The following IL7 variants were observed in gnomAD, a reference collection of about 807,000 sequenced individuals.
IL7 encodes interleukin-7.
In IL7, 3 loss-of-function variants were observed where a neutral mutation model predicts 21.6. The observed-to-expected ratio is 0.14, with a 90% CI of 0.06 to 0.36. The LOEUF (loss-of-function observed/expected upper bound fraction) is 0.36, where lower values mean the gene tolerates loss of function less well. Ranked by LOEUF, IL7 falls within the 10% of genes least tolerant of loss-of-function variation. The pLI, the probability that IL7 is intolerant of heterozygous loss-of-function variation, is 1.00. For missense variants in IL7, 175 were observed against 200.2 expected, an observed-to-expected ratio of 0.87 and a Z score of 0.76; for synonymous variants, 62 against 68.1, an observed-to-expected ratio of 0.91 and a Z score of 0.44.
At position 78,764,241 on chromosome 8, in the gene IL7, TTAATAATAAGAAATTTGTAGGTTTCCTGA is replaced by T. The variant is rs1182229810; in HGVS notation, c.148-24188_148-24160del. Among the ~76,000 whole-genome samples, 50 of 152,066 alleles carry T rather than the reference TTAATAATAAGAAATTTGTAGGTTTCCTGA, an allele frequency of 3.3e-4. 1 individual carries two copies. Among genetic ancestry groups the T allele is most frequent in the Admixed American group, 3.2e-3 (49 of 15,276 alleles). On this transcript the variant is annotated intron_variant, in intron 2 of 5. Coordinates refer to ENST00000263851, the MANE Select transcript of IL7 (RefSeq NM_000880.4). ...AAAAGTCCTATAGCTAATATCATAC[TTAATAATAAGAAATTTGTAGGTTTCCTGA>T]TAATAAAAAAAAAGCTATCTCCCTT... is the stretch of plus-strand genomic sequence containing the variant.
rs571440739 is a variant in IL7, at chr8:78,801,551, G to A, written c.11-3343C>T. ...GCCGTAAGCCATGGCCGTGAGCCACGATCTACTGAGCCTAGGCTGAGTAGT... is the reference window on the plus strand; with the variant it reads ...GCCGTAAGCCATGGCCGTGAGCCACAATCTACTGAGCCTAGGCTGAGTAGT... On this transcript the variant is annotated intron_variant, in intron 1 of 5. Transcript: ENST00000263851. Among the ~76,000 whole-genome samples the A allele has an allele frequency of 9.9e-5, 15 of 152,196 alleles. No homozygotes were observed. In the South Asian group the frequency reaches 2.1e-3, roughly 21 times the overall value.
At chr8:78,801,795 AACATACCTAGGGCCTTGG>A (rs1470137249) in intron 1 of IL7, among the ~76,000 whole-genome samples, 43 of 152,318 alleles carry the variant, frequency 2.8e-4, no homozygotes, top group African/African-American at 9.9e-4. Flanking sequence ...CAATGCTGCA[AACATACCTAGGGCCTTGG>A]ACCCACATCT....
chr8:78,700,587 G>T lies in IL7; in HGVS notation n.215-14640C>A, dbSNP rs1431660812. 2.0e-5 allele frequency among the ~76,000 whole-genome samples: 3 copies of T among 152,148 alleles called. No homozygotes were observed. The East Asian group carries it at 5.8e-4, about 29-fold the overall frequency. On this transcript the variant is annotated intron_variant and non_coding_transcript_variant, in intron 3 of 4. Coordinates refer to the IL7 transcript ENST00000523959. ...CATTATAAAATCTTTGCTGCTGCCT[G>T]TGCCCTGAATGGTATTGGCTAGGTT... is the stretch of plus-strand genomic sequence containing the variant.
chr8:78,693,385 C>G (rs1244871372), intron 3 of IL7, among the ~76,000 whole-genome samples: 1 of 152,186 alleles, frequency 6.6e-6, no homozygotes, highest in Admixed American at 6.5e-5. Context: ...ACATCCTCTC[C>G]AGCACCTGTT....
chr8:78,709,846 A>G (rs947101337), intron 3 of IL7, among the ~76,000 whole-genome samples: 10 of 152,236 alleles, frequency 6.6e-5, no homozygotes, highest in African/African-American at 2.2e-4. Flanking sequence ...GCCTTATAGC[A>G]TCATAACAAC....
rs149130794 is a variant in IL7, at chr8:78,762,122, C to T, written c.148-22040G>A. Reference sequence around the variant, plus strand: ...TTCATCTTCACTCAGTTCTTTTATTCGTTTTCTGTGTCTACTATGTGGGTT... The same window carrying T: ...TTCATCTTCACTCAGTTCTTTTATTTGTTTTCTGTGTCTACTATGTGGGTT... On this transcript the variant is annotated intron_variant, in intron 2 of 5. Coordinates refer to ENST00000263851, the MANE Select transcript of IL7 (RefSeq NM_000880.4). 2.1e-3 allele frequency: 3,402 copies of T among 1,596,542 alleles called. 3 individuals carry two copies. The highest frequency in any genetic ancestry group is 2.9e-3 in the Admixed American group (175 of 59,966).
At chr8:78,740,494 A>G (rs1811740480) in intron 2 of IL7, among the ~76,000 whole-genome samples, 1 of 152,236 alleles carries the variant, frequency 6.6e-6, no homozygotes, top group Admixed American at 6.5e-5. Flanking sequence ...AGGAATTTAT[A>G]TTAGAATGAA....
rs562448134 is a variant in IL7, at chr8:78,733,508, T to C, written c.*205A>G. On this transcript the variant is annotated 3_prime_UTR_variant, in exon 6 of 6. Coordinates refer to ENST00000263851, the MANE Select transcript of IL7 (RefSeq NM_000880.4). The stretch of plus-strand genomic sequence containing the variant: ...AAATGTTCACATATATAAGAAATAG[T>C]TTGTTGACTGGAGCATTCAGTTTCC... 1 of 460,088 alleles carries C rather than the reference T, an allele frequency of 2.2e-6. No individual in the cohort carries two copies. Among genetic ancestry groups the C allele is most frequent in the Non-Finnish European group, 3.8e-6 (1 of 262,958 alleles). 28.5% of individuals were successfully genotyped at this position (460,088 alleles called of 1,614,324 possible). A position where few individuals can be genotyped will look rare whatever the true frequency, so the allele number is the denominator to read the frequency against.
At chr8:78,715,202 T>C (rs1475094523), downstream of IL7, 5 of 1,605,244 alleles carry the variant, frequency 3.1e-6, no homozygotes, top group Non-Finnish European at 4.3e-6. Flanking sequence ...TTTTCCATTA[T>C]TTTTCCTCTT....
chr8:78,687,487 T>C (rs1380187371), intron 3 of IL7, among the ~76,000 whole-genome samples: 1 of 144,588 alleles, frequency 6.9e-6, no homozygotes, highest in Non-Finnish European at 1.5e-5. Flanking sequence ...TATATAATTA[T>C]ATATGTTTAT....
intron 6 of IL7, chr8:78,718,473 C>T (rs965887370): frequency 4.0e-5 from 6 of 151,782 alleles, no homozygotes; most frequent in African/African-American, 1.2e-4. Flanking sequence ...ATCATTAGTG[C>T]AGAGCATGCA....
chr8:78,792,712 A>G (rs188799044), intron 2 of IL7, among the ~76,000 whole-genome samples: 5 of 152,270 alleles, frequency 3.3e-5, no homozygotes, highest in African/African-American at 7.2e-5. Flanking sequence ...GGAAATGCCA[A>G]TCAGTATCAC....
chr8:78,805,045 G>A lies in IL7; in HGVS notation c.-123C>T. On this transcript the variant is annotated 5_prime_UTR_variant, in exon 1 of 6. Transcript: ENST00000263851. ...AGTTGCCGAGTCTGTGTTGGGCAGGGTGATCTCTGCAGCTGGTTCCTCTTA... is the reference window on the plus strand; with the variant it reads ...AGTTGCCGAGTCTGTGTTGGGCAGGATGATCTCTGCAGCTGGTTCCTCTTA... 3 of 1,064,892 alleles carry A rather than the reference G, an allele frequency of 2.8e-6. No homozygotes were observed. Among genetic ancestry groups the A allele is most frequent in the Non-Finnish European group, 4.1e-6 (3 of 731,612 alleles). The allele number at this position is 1,064,892 out of a possible 1,614,324, so 66.0% of individuals were successfully genotyped here.
intron 4 of IL7, 64 bp downstream of exon 4, chr8:78,738,440 A>C: frequency 2.3e-6 from 3 of 1,327,624 alleles, no homozygotes; most frequent in Non-Finnish European, 3.2e-6. Context: ...TCATCAGAGA[A>C]TAGTGGTATC....
intron 1 of IL7, 82 bp from the exon 2 acceptor site, chr8:78,798,290 T>A: frequency 1.2e-6 from 1 of 868,300 alleles, no homozygotes; most frequent in Non-Finnish European, 1.7e-6. Context: ...ACTGGACCAC[T>A]AATTTCTAAT....
intron 3 of IL7, among the ~76,000 whole-genome samples, chr8:78,702,560 T>C (rs994315699): frequency 2.0e-5 from 3 of 152,190 alleles, no homozygotes; most frequent in South Asian, 2.1e-4. Flanking sequence ...TCTTTGGTTG[T>C]TAACTTGAGA....
At chr8:78,761,814 G>C in intron 2 of IL7, 1 of 1,612,026 alleles carries the variant, frequency 6.2e-7, no homozygotes, top group Non-Finnish European at 8.5e-7. Context: ...CGACACTCCA[G>C]TAGTGCCTGA....
At chr8:78,743,008 G>C (rs937432130) in intron 2 of IL7, among the ~76,000 whole-genome samples, 1 of 152,154 alleles carries the variant, frequency 6.6e-6, no homozygotes, top group Admixed American at 6.5e-5. Context: ...GCATTAGTTT[G>C]CTAAGGATAA....
downstream of IL7, chr8:78,715,130 T>G (rs772571841): frequency 1.8e-6 from 2 of 1,112,194 alleles, no homozygotes; most frequent in Middle Eastern, 2.1e-4. Flanking sequence ...CTGAAGCTTC[T>G]AAGTATTCTT....
Sources: gnomAD v4.1 joint callset for allele counts (sites outside exome capture counted in the v4.1 genomes callset) on GRCh38, gnomAD v4.1.1 for gene constraint, MANE v1.5 for transcripts, NCBI Gene and HGNC (gene_info 2026-07-23, HGNC 2026-07-21) for gene names.